KHDRBS2: variants seen among roughly 807,000 people sequenced by gnomAD.
KHDRBS2 encodes the protein KH domain-containing, RNA-binding, signal transduction-associated protein 2.
A neutral mutation model predicts 44.3 loss-of-function variants in KHDRBS2; 26 were observed. That is an observed-to-expected ratio of 0.59 (90% CI 0.43 to 0.81). The LOEUF (loss-of-function observed/expected upper bound fraction) is 0.81, where lower values mean the gene tolerates loss of function less well. Ranked by LOEUF, KHDRBS2 falls within the 40% of genes least tolerant of loss-of-function variation. The pLI, the probability that KHDRBS2 is intolerant of heterozygous loss-of-function variation, is 0.00. For synonymous variants in KHDRBS2, 194 were observed against 151.1 expected (o/e 1.28, Z -2.08); for missense variants, 476 against 433.1 (o/e 1.10, Z -0.88).
chr6:61,724,097 A>G (rs951803973), intron 7 of KHDRBS2, among the ~76,000 whole-genome samples: 6 of 152,216 alleles, frequency 3.9e-5, no homozygotes, highest in African/African-American at 1.2e-4. Flanking sequence ...AGCAAAGCCT[A>G]TCAGACTAGT....
At chr6:61,875,308 C>T (rs1393178136) in intron 6 of KHDRBS2, among the ~76,000 whole-genome samples, 2 of 151,730 alleles carry the variant, frequency 1.3e-5, no homozygotes, top group African/African-American at 4.8e-5. Context: ...TAGAACAGGC[C>T]GAAGCCAGGC....
rs190843250 is a variant in KHDRBS2 at position 62,120,985 on chromosome 6, A to C, written c.219+56200T>G. Among the ~76,000 whole-genome samples, 216 of 152,290 alleles carry C rather than the reference A, an allele frequency of 1.4e-3. 1 individual carries two copies. Among genetic ancestry groups the C allele is most frequent in the African/African-American group, 5.0e-3 (206 of 41,564 alleles). On this transcript the variant is annotated intron_variant, in intron 2 of 8. Transcript: ENST00000281156. ...ATTATTGTACACTGGATCTGAGTTGATGTTCATTCCAGGGGACCAAAATGT... is the reference window on the plus strand; with the variant it reads ...ATTATTGTACACTGGATCTGAGTTGCTGTTCATTCCAGGGGACCAAAATGT...
chr6:62,032,624 T>C (rs987654603), intron 3 of KHDRBS2, among the ~76,000 whole-genome samples: 4 of 151,854 alleles, frequency 2.6e-5, no homozygotes, highest in African/African-American at 9.7e-5. Context: ...AGATGGTACC[T>C]CTATGAGTCT....
At chr6:62,008,575 A>T (rs926946362) in intron 3 of KHDRBS2, among the ~76,000 whole-genome samples, 6 of 152,128 alleles carry the variant, frequency 3.9e-5, no homozygotes, top group African/African-American at 9.7e-5. Flanking sequence ...GAATTATCAA[A>T]CAGTGATCCC....
intron 2 of KHDRBS2, among the ~76,000 whole-genome samples, chr6:62,061,829 G>C (rs1374318122): frequency 6.8e-6 from 1 of 147,506 alleles, no homozygotes; most frequent in African/African-American, 2.5e-5. Context: ...CGTAGATTTG[G>C]TCTTTTCACA....
chr6:61,710,796 CT>C (rs34892850), intron 7 of KHDRBS2, among the ~76,000 whole-genome samples: 4,693 of 116,334 alleles, frequency 0.04, 251 homozygotes, highest in African/African-American at 0.13. Flanking sequence ...TACCTGAGCT[CT>C]TTTTTTTTTT....
chr6:62,220,644 G>A (rs905707541), intron 1 of KHDRBS2, among the ~76,000 whole-genome samples: 1 of 151,542 alleles, frequency 6.6e-6, no homozygotes, highest in Admixed American at 6.6e-5. Flanking sequence ...TTCAACATTA[G>A]AAATTACATA....
intron 4 of KHDRBS2, among the ~76,000 whole-genome samples, chr6:61,913,585 A>T (rs998573623): frequency 6.6e-6 from 1 of 151,942 alleles, no homozygotes; most frequent in Non-Finnish European, 1.5e-5. Flanking sequence ...AAAATACAGT[A>T]AAAAATCCCT....
intron 6 of KHDRBS2, among the ~76,000 whole-genome samples, chr6:61,821,103 A>G (rs373905497): frequency 4.6e-5 from 7 of 152,062 alleles, no homozygotes; most frequent in Admixed American, 6.6e-5. Context: ...AAGATTAAGC[A>G]TTATTAGAGA....
At chr6:62,052,710 C>CA (rs1789357191) in intron 2 of KHDRBS2, among the ~76,000 whole-genome samples, 1 of 151,988 alleles carries the variant, frequency 6.6e-6, no homozygotes, top group Admixed American at 6.6e-5. Context: ...ATAAGGAATG[C>CA]AAAACCCAGA....
chr6:61,823,936 T>C (rs1480283414), intron 6 of KHDRBS2, among the ~76,000 whole-genome samples: 2 of 152,154 alleles, frequency 1.3e-5, no homozygotes, highest in Non-Finnish European at 2.9e-5. Flanking sequence ...TTAAATCATG[T>C]AGAAATATTA....
intron 7 of KHDRBS2, among the ~76,000 whole-genome samples, chr6:61,728,733 A>G (rs1318471728): frequency 6.6e-6 from 1 of 152,186 alleles, no homozygotes; most frequent in African/African-American, 2.4e-5. Context: ...CACATGAAAG[A>G]TAGATAAAAA....
chr6:61,723,574 C>CAAA (rs575590921), intron 7 of KHDRBS2, among the ~76,000 whole-genome samples: 14 of 150,382 alleles, frequency 9.3e-5, no homozygotes, highest in Admixed American at 9.3e-4. Flanking sequence ...AACAAACAAA[C>CAAA]AAAAAAACAA....
At chr6:61,886,116 C>T (rs1410934677) in intron 6 of KHDRBS2, among the ~76,000 whole-genome samples, 1 of 152,114 alleles carries the variant, frequency 6.6e-6, no homozygotes, top group South Asian at 2.1e-4. Context: ...CTTCTTTAAT[C>T]CACCCTAGAC....
chr6:62,257,629 G>A (rs539210299), intron 1 of KHDRBS2, among the ~76,000 whole-genome samples: 1 of 152,132 alleles, frequency 6.6e-6, no homozygotes, highest in African/African-American at 2.4e-5. Context: ...GGTGGCCCCT[G>A]TAGCTGGGGG....
chr6:62,074,066 C>T (rs1461193232), intron 2 of KHDRBS2, among the ~76,000 whole-genome samples: 1 of 151,650 alleles, frequency 6.6e-6, no homozygotes, highest in Non-Finnish European at 1.5e-5. Context: ...TAAGCTGCAC[C>T]CATTTAGGAG....
intron 6 of KHDRBS2, among the ~76,000 whole-genome samples, chr6:61,867,686 G>T (rs547205584): frequency 5.4e-4 from 83 of 152,306 alleles, no homozygotes; most frequent in Non-Finnish European, 1.0e-3. Flanking sequence ...TTAACAGTCT[G>T]TCCACTCTTC....
At chr6:61,927,797 G>A (rs1431055552) in intron 4 of KHDRBS2, among the ~76,000 whole-genome samples, 1 of 152,000 alleles carries the variant, frequency 6.6e-6, no homozygotes, top group Non-Finnish European at 1.5e-5. Flanking sequence ...CATAGAAAAT[G>A]GGAAAACACA....
rs551652252 is a variant in KHDRBS2, at chr6:62,240,107, T to A, written c.91+45751A>T. Among the ~76,000 whole-genome samples, 319 of 152,288 alleles carry A rather than the reference T, an allele frequency of 2.1e-3. 1 individual carries two copies. Among genetic ancestry groups the A allele is most frequent in the African/African-American group, 7.2e-3 (300 of 41,566 alleles). ...ACCAGTTGCTCCTATTATTAACATA[T>A]AACATTAGTATGGTACATTTGTCAC... On this transcript the variant is annotated intron_variant, in intron 1 of 8. Coordinates refer to ENST00000281156, the MANE Select transcript of KHDRBS2 (RefSeq NM_152688.4).
Sources: allele counts gnomAD v4.1 joint callset (sites outside exome capture counted in the v4.1 genomes callset), GRCh38; gene constraint gnomAD v4.1.1; transcripts MANE v1.5; gene names NCBI Gene and HGNC (gene_info 2026-07-23, HGNC 2026-07-21).